Variants in ZFPM2 observed in about 807,000 individuals in gnomAD.
ZFPM2 encodes zinc finger protein, FOG family member 2.
Under a neutral mutation model 98.6 loss-of-function variants are expected in ZFPM2, and 20 were observed. The ratio of observed to expected loss-of-function variants is 0.20; its 90% CI spans 0.14 to 0.29. The LOEUF (loss-of-function observed/expected upper bound fraction) is 0.29. ZFPM2 is among the 10% of genes least tolerant of loss of function. ZFPM2 has a pLI of 1.00. For missense variants in ZFPM2, 1,310 were observed against 1,388.6 expected, an observed-to-expected ratio of 0.94 and a Z score of 0.90; for synonymous variants, 518 against 502.7, an observed-to-expected ratio of 1.03 and a Z score of -0.41.
chr8:105,680,161 A>G (rs1367452623), intron 5 of ZFPM2, among the ~76,000 whole-genome samples: 1 of 152,174 alleles, frequency 6.6e-6, no homozygotes, highest in Non-Finnish European at 1.5e-5. Flanking sequence ...GTTGAATATC[A>G]AACATTGGAG....
In ZFPM2 at chr8:105,353,487, C is replaced by A. The variant is rs554441632; in HGVS notation, c.40+34506C>A. Among the ~76,000 whole-genome samples the A allele has an allele frequency of 1.0e-3, 152 of 152,270 alleles. 4 individuals carry two copies. The highest frequency in any genetic ancestry group is 3.5e-3 in the African/African-American group (145 of 41,564). Reference sequence around the variant, plus strand: ...TTTTAAACAACCTATGCCCAGGAATCCAGGTAGTCCCTGACACCAAAAAAC... The same window carrying A: ...TTTTAAACAACCTATGCCCAGGAATACAGGTAGTCCCTGACACCAAAAAAC... On this transcript the variant is annotated intron_variant, in intron 1 of 7. Transcript: ENST00000407775.
chr8:105,418,574 A>C (rs1169497105), intron 1 of ZFPM2: 3 of 518,216 alleles, frequency 5.8e-6, no homozygotes, highest in South Asian at 1.4e-5. Context: ...ATTAATTATG[A>C]ATAGGGTTAT....
chr8:105,477,995 T>C (rs536998321), intron 3 of ZFPM2, among the ~76,000 whole-genome samples: 52 of 152,346 alleles, frequency 3.4e-4, no homozygotes, highest in African/African-American at 1.1e-3. Flanking sequence ...ATGATAAGGA[T>C]TGTTTAATTT....
Position 105,661,864 on chromosome 8 carries a change from A to G in ZFPM2, c.532+27507A>G, listed in dbSNP as rs1385241285. ...GCAGTATTCAATGGGGACACGTTTA[A>G]TTGAGTTTTACACAACCCAGTTGGG... On this transcript the variant is annotated intron_variant, in intron 5 of 7. Coordinates refer to ENST00000407775, the MANE Select transcript of ZFPM2 (RefSeq NM_012082.4). Among the ~76,000 whole-genome samples, 16 of 152,146 alleles carry G rather than the reference A, an allele frequency of 1.1e-4. No individual in the cohort carries two copies. In the East Asian group the frequency reaches 1.3e-3, roughly 13 times the overall value.
chr8:105,553,828 C>CT (rs1814920609), intron 3 of ZFPM2, among the ~76,000 whole-genome samples: 1 of 151,974 alleles, frequency 6.6e-6, no homozygotes, highest in Non-Finnish European at 1.5e-5. Context: ...TTCCCTTTTT[C>CT]TTTTTTTCCT....
chr8:105,632,695 A>T (rs1267482665), intron 4 of ZFPM2, among the ~76,000 whole-genome samples: 1 of 152,230 alleles, frequency 6.6e-6, no homozygotes, highest in Non-Finnish European at 1.5e-5. Flanking sequence ...ATATTGTTAA[A>T]ATATACGTAG....
intron 2 of ZFPM2, among the ~76,000 whole-genome samples, chr8:105,420,868 G>A (rs80121175): frequency 8.4e-4 from 128 of 152,148 alleles, no homozygotes; most frequent in South Asian, 6.4e-3. Flanking sequence ...AAGAGTTAAC[G>A]TATGGATTTA....
intron 4 of ZFPM2, among the ~76,000 whole-genome samples, chr8:105,576,407 A>C (rs1815469339): frequency 6.6e-6 from 1 of 152,170 alleles, no homozygotes; most frequent in South Asian, 2.1e-4. Flanking sequence ...TGGATAGTCC[A>C]GTGCTTATCT....
At chr8:105,626,034 G>C (rs1190388217) in intron 4 of ZFPM2, among the ~76,000 whole-genome samples, 1 of 150,922 alleles carries the variant, frequency 6.6e-6, no homozygotes, top group African/African-American at 2.4e-5. Context: ...AAGAAAGAAA[G>C]AAAGCTCTTT....
At chr8:105,748,787 A>G (rs1361630288) in intron 5 of ZFPM2, among the ~76,000 whole-genome samples, 1 of 152,092 alleles carries the variant, frequency 6.6e-6, no homozygotes, top group Admixed American at 6.6e-5. Context: ...CTTTGCACTC[A>G]AATGGATATA....
chr8:105,480,648 C>T (rs537740449), intron 3 of ZFPM2, among the ~76,000 whole-genome samples: 1 of 151,804 alleles, frequency 6.6e-6, no homozygotes, highest in Non-Finnish European at 1.5e-5. Flanking sequence ...GCATATTCTG[C>T]AAAAGTTGAA....
intron 1 of ZFPM2, among the ~76,000 whole-genome samples, chr8:105,409,831 A>G (rs1811540932): frequency 6.6e-6 from 1 of 151,692 alleles, no homozygotes; most frequent in South Asian, 2.1e-4. Flanking sequence ...GTCCATTTCT[A>G]ATTTGCCTTT....
intron 1 of ZFPM2, among the ~76,000 whole-genome samples, chr8:105,407,598 T>C (rs1811488112): frequency 6.6e-6 from 1 of 151,930 alleles, no homozygotes; most frequent in Non-Finnish European, 1.5e-5. Context: ...AAGTAAGTCC[T>C]GACAAATCTA....
At chr8:105,524,054 T>C (rs1814118574) in intron 3 of ZFPM2, among the ~76,000 whole-genome samples, 1 of 152,186 alleles carries the variant, frequency 6.6e-6, no homozygotes. Context: ...TCAAGTAATA[T>C]ATGAAAATAC....
chr8:105,422,047 C>CAAAAAAA (rs747630701), intron 2 of ZFPM2, among the ~76,000 whole-genome samples: 1 of 51,552 alleles, frequency 1.9e-5, no homozygotes. Context: ...GACTCCATCT[C>CAAAAAAA]AAAAAAAAAA....
intron 3 of ZFPM2, among the ~76,000 whole-genome samples, chr8:105,450,909 A>G (rs1812472387): frequency 1.3e-5 from 2 of 152,140 alleles, no homozygotes; most frequent in South Asian, 4.1e-4. Flanking sequence ...GAACACAGTA[A>G]AAAAGTTCTC....
At chr8:105,733,225 C>T (rs114826616) in intron 5 of ZFPM2, among the ~76,000 whole-genome samples, 2,265 of 151,970 alleles carry the variant, frequency 0.015, 53 homozygotes, top group African/African-American at 0.051. Flanking sequence ...GCAAACTCTG[C>T]TTTCACACAT....
chr8:105,372,190 C>T (rs1286316971), intron 1 of ZFPM2, among the ~76,000 whole-genome samples: 2 of 151,984 alleles, frequency 1.3e-5, no homozygotes, highest in Non-Finnish European at 2.9e-5. Flanking sequence ...CTACAGGCAC[C>T]TGCCAACAGG....
chr8:105,465,497 C>A (rs1390018461), intron 3 of ZFPM2, among the ~76,000 whole-genome samples: 1 of 151,624 alleles, frequency 6.6e-6, no homozygotes, highest in Admixed American at 6.6e-5. Flanking sequence ...TTATATCACA[C>A]AAAAAACGCA....
Sources: gnomAD v4.1 joint callset for allele counts (sites outside exome capture counted in the v4.1 genomes callset) on GRCh38, gnomAD v4.1.1 for gene constraint, MANE v1.5 for transcripts, NCBI Gene and HGNC (gene_info 2026-07-23, HGNC 2026-07-21) for gene names.